The following HERC2 variants were observed in gnomAD, a reference collection of about 807,000 sequenced individuals.
HERC2 encodes E3 ubiquitin-protein ligase HERC2.
Under a neutral mutation model 537.7 loss-of-function variants are expected in HERC2, and 102 were observed. That is an observed-to-expected ratio of 0.19 (90% confidence interval 0.16 to 0.22). HERC2 has a LOEUF of 0.22. Among genes scored for constraint, HERC2 ranks in the 10% least tolerant of loss-of-function variants. The pLI is 1.00. For missense variants in HERC2, 4,236 were observed against 6,198.2 expected, an observed-to-expected ratio of 0.68 and a Z score of 10.63; for synonymous variants, 2,224 against 2,466.2, an observed-to-expected ratio of 0.90 and a Z score of 2.91.
intron 9 of HERC2, among the ~76,000 whole-genome samples, chr15:28,271,752 G>A (rs1419377042): frequency 2.0e-5 from 3 of 152,172 alleles, no homozygotes; most frequent in African/African-American, 7.2e-5. Context: ...AAAAAGACTG[G>A]CAAAATCCAA....
In HERC2 at chr15:28,271,910, A is replaced by C. The variant is rs540631211; in HGVS notation, c.1083+305T>G. 4 of 365,814 alleles carry C rather than the reference A, an allele frequency of 1.1e-5. 1 individual carries two copies. In the South Asian group the frequency reaches 2.1e-4, roughly 19 times the overall value. The allele number at this position is 365,814 out of a possible 1,614,324, so 22.7% of individuals were successfully genotyped here. ...ACAGCTCAGGTGACGTGCCCTGCAC[A>C]GAGCCCAGTACATAGGAAGGACCAA... On this transcript the variant is annotated intron_variant, in intron 9 of 92. Coordinates refer to ENST00000261609, the MANE Select transcript of HERC2 (RefSeq NM_004667.6).
chr15:28,122,902 GT>G lies in HERC2; in HGVS notation c.13188+1134del, dbSNP rs1180051985. 1.3e-5 allele frequency among the ~76,000 whole-genome samples: 2 copies of G among 152,028 alleles called. No homozygotes were observed. The highest frequency in any genetic ancestry group is 6.5e-5 in the Admixed American group (1 of 15,270). ...ACGCTCACACAGGGCCAGGTGGGAC[GT>G]GCCCTGCCTCTCACTTTTTTTCTCC... is the stretch of plus-strand genomic sequence containing the variant. On this transcript the variant is annotated intron_variant, in intron 85 of 92. Transcript: ENST00000261609. The surrounding 1 kb of genome is among the most constrained non-coding windows in gnomAD (Gnocchi z 4.1).
intron 52 of HERC2, among the ~76,000 whole-genome samples, chr15:28,195,055 CAA>C (rs1432989896): frequency 2.0e-5 from 2 of 98,174 alleles, no homozygotes; most frequent in Admixed American, 1.1e-4. Flanking sequence ...GACTCCGTCT[CAA>C]AAAAAAAAAA....
chr15:28,294,111 T>C (rs2076396021), intron 3 of HERC2, among the ~76,000 whole-genome samples: 1 of 152,242 alleles, frequency 6.6e-6, no homozygotes, highest in Non-Finnish European at 1.5e-5. Flanking sequence ...ACCAAATGCA[T>C]GGACTTTTGC....
At chr15:28,204,327 A>G (rs1172879666) in intron 45 of HERC2, among the ~76,000 whole-genome samples, 1 of 152,196 alleles carries the variant, frequency 6.6e-6, no homozygotes, top group African/African-American at 2.4e-5. Context: ...AATGTACAGC[A>G]AAAGATAGAT....
In HERC2 at chr15:28,303,941, G is replaced by A. The variant is rs367570065; in HGVS notation, c.73-4425C>T. ...AGCACTTTGGGAGGCCAAGGCAGGC[G>A]GATCACCTGAGGTCAGGAGTTCAAG... On this transcript the variant is annotated intron_variant, in intron 2 of 92. Coordinates refer to ENST00000261609, the MANE Select transcript of HERC2 (RefSeq NM_004667.6). Among the ~76,000 whole-genome samples the A allele has an allele frequency of 4.1e-3, 617 of 152,158 alleles. 3 individuals carry two copies. Among genetic ancestry groups the A allele is most frequent in the African/African-American group, 0.013 (550 of 41,526 alleles).
At chr15:28,189,197 G>C (rs1265853710) in intron 55 of HERC2, among the ~76,000 whole-genome samples, 6 of 152,190 alleles carry the variant, frequency 3.9e-5, no homozygotes, top group African/African-American at 1.4e-4. Context: ...GTCAGCTGGG[G>C]GCATGCAGGT....
chr15:28,210,449 T>C (rs1421860871), intron 44 of HERC2, among the ~76,000 whole-genome samples: 1 of 152,224 alleles, frequency 6.6e-6, no homozygotes, highest in African/African-American at 2.4e-5. Flanking sequence ...GAATACATTA[T>C]CTTTACATGC....
intron 69 of HERC2, among the ~76,000 whole-genome samples, chr15:28,156,743 T>G (rs112234619): frequency 0.068 from 10,320 of 152,270 alleles, 892 homozygotes; most frequent in East Asian, 0.43. Flanking sequence ...TACCCTTTAT[T>G]TCTTTCTCCT....
chr15:28,181,825 G>T (rs1431911464), intron 57 of HERC2, among the ~76,000 whole-genome samples: 1 of 152,218 alleles, frequency 6.6e-6, no homozygotes, highest in African/African-American at 2.4e-5. Flanking sequence ...AGAGGCTATG[G>T]CACGGCTTCC....
At chr15:28,115,229 G>A (rs1351103218) in intron 89 of HERC2, 200 bp downstream of exon 89, 2 of 544,458 alleles carry the variant, frequency 3.7e-6, no homozygotes, top group African/African-American at 3.8e-5. Flanking sequence ...ACAAGACAGT[G>A]TATGTTACAA....
intron 77 of HERC2, 45 bp from the exon 78 acceptor site, chr15:28,141,675 G>T (rs1386818916): frequency 1.2e-6 from 2 of 1,610,394 alleles, no homozygotes. Context: ...CAAGAACAAT[G>T]CACACAGCCT....
At chr15:28,270,177 G>T (rs1195243820) in intron 10 of HERC2, among the ~76,000 whole-genome samples, 1 of 151,944 alleles carries the variant, frequency 6.6e-6, no homozygotes, top group East Asian at 1.9e-4. Flanking sequence ...TGGCCAGGCT[G>T]GAGAACCCAC....
In HERC2 at chr15:28,255,852, G is replaced by T. The variant is rs752741625; in HGVS notation, c.2871+20C>A. 1.3e-6 allele frequency: 2 copies of T among 1,596,230 alleles called. No homozygotes were observed. Among genetic ancestry groups the T allele is most frequent in the Admixed American group, 1.7e-5 (1 of 59,954 alleles). On this transcript the variant is annotated intron_variant, in intron 19 of 92. Coordinates refer to ENST00000261609, the MANE Select transcript of HERC2 (RefSeq NM_004667.6). The stretch of plus-strand genomic sequence containing the variant: ...TGATCTCAGTGCACCACCAGGTCAC[G>T]TGTGCCTCCAAAGCCATACCTGGAT...
intron 35 of HERC2, among the ~76,000 whole-genome samples, chr15:28,226,094 G>A (rs916340399): frequency 1.1e-4 from 16 of 152,176 alleles, no homozygotes; most frequent in African/African-American, 3.9e-4. Flanking sequence ...TTATTACCCT[G>A]ATAACTGTAA....
At chr15:28,181,460 A>T (rs1337922171) in intron 57 of HERC2, among the ~76,000 whole-genome samples, 2 of 152,264 alleles carry the variant, frequency 1.3e-5, no homozygotes, top group Non-Finnish European at 2.9e-5. Context: ...AACTAATTGC[A>T]CCTTGAAAGG....
chr15:28,255,806 C>A (rs1567078015), intron 19 of HERC2, 66 bp downstream of exon 19: 4 of 1,512,360 alleles, frequency 2.6e-6, no homozygotes, highest in Non-Finnish European at 3.6e-6. Flanking sequence ...TTATTCTTCA[C>A]GTGTGTGAGT....
rs201857249 is a variant in HERC2 at position 28,125,174 on chromosome 15, G to A, written c.12822C>T (p.Gly4274=). The A allele has an allele frequency of 4.6e-5, 74 of 1,613,306 alleles. No homozygotes were observed. The highest frequency in any genetic ancestry group is 1.7e-4 in the Admixed American group (10 of 60,002). The part of the protein sequence containing the change: ...CTEDGEVYTW[G]DNDEGQLGDG... ...CTCCCAGTTGTCCCTCATCATTGTC[G>A]CCCCATGTATAAACCTCACCTGAAT... The change falls in exon 84 of 93, where the codon GGC becomes GGT. Residue 4274 remains glycine (G), a synonymous_variant. Transcript: ENST00000261609.
intron 4 of HERC2, among the ~76,000 whole-genome samples, chr15:28,286,041 C>A (rs945402293): frequency 1.3e-5 from 2 of 151,516 alleles, no homozygotes; most frequent in Admixed American, 6.6e-5. Flanking sequence ...TCAAAGAATC[C>A]GAAAAAAAAG....
Sources: allele counts gnomAD v4.1 joint callset (sites outside exome capture counted in the v4.1 genomes callset), GRCh38; gene constraint gnomAD v4.1.1; non-coding constraint Gnocchi (gnomAD v3.1); transcripts MANE v1.5; gene names NCBI Gene and HGNC (gene_info 2026-07-23, HGNC 2026-07-21).